SLIT3: variants seen among roughly 807,000 people sequenced by gnomAD.
SLIT3 encodes the protein slit guidance ligand 3.
Under a neutral mutation model 184.0 loss-of-function variants are expected in SLIT3, and 68 were observed. That is an observed-to-expected ratio of 0.37 (90% CI 0.30 to 0.45). The LOEUF (loss-of-function observed/expected upper bound fraction) is 0.45, where lower values mean the gene tolerates loss of function less well. SLIT3 is among the 20% of genes least tolerant of loss of function. SLIT3 has a pLI of 1.00. For synonymous variants in SLIT3, 831 were observed against 828.6 expected, an observed-to-expected ratio of 1.00 and a Z score of -0.05; for missense variants, 1,707 against 2,026.0, an observed-to-expected ratio of 0.84 and a Z score of 3.02.
chr5:169,276,803 G>A (rs1194352666), intron 1 of SLIT3, among the ~76,000 whole-genome samples: 1 of 152,218 alleles, frequency 6.6e-6, no homozygotes, highest in African/African-American at 2.4e-5. Context: ...TACACATAAG[G>A]TCTAGGGGCT....
chr5:169,241,343 G>A (rs1488248846), intron 3 of SLIT3, among the ~76,000 whole-genome samples: 1 of 152,148 alleles, frequency 6.6e-6, no homozygotes, highest in African/African-American at 2.4e-5. Context: ...ACATGAGATG[G>A]TATATGTAAA....
intron 4 of SLIT3, among the ~76,000 whole-genome samples, chr5:168,886,565 G>C (rs4395646): frequency 6.6e-6 from 1 of 151,808 alleles, no homozygotes; most frequent in South Asian, 2.1e-4. Flanking sequence ...CCCCTTTCAC[G>C]AGGGAAGCAG....
chr5:169,073,452 T>A (rs947278922), intron 4 of SLIT3, among the ~76,000 whole-genome samples: 1 of 151,992 alleles, frequency 6.6e-6, no homozygotes, highest in Admixed American at 6.6e-5. Context: ...ATTTGGGGAA[T>A]TCTCCATTCT....
At chr5:169,252,314 A>C (rs1249427215) in intron 1 of SLIT3, among the ~76,000 whole-genome samples, 1 of 152,196 alleles carries the variant, frequency 6.6e-6, no homozygotes, top group African/African-American at 2.4e-5. Context: ...ATTTGCATGG[A>C]TTACTCCTGC....
chr5:169,214,206 C>T (rs1359484455), intron 3 of SLIT3, among the ~76,000 whole-genome samples: 2 of 152,166 alleles, frequency 1.3e-5, no homozygotes, highest in Admixed American at 1.3e-4. Context: ...AATAAGTGCT[C>T]AATATCTGGT....
chr5:169,029,422 C>T (rs187968218), intron 4 of SLIT3, among the ~76,000 whole-genome samples: 5 of 152,324 alleles, frequency 3.3e-5, no homozygotes, highest in South Asian at 2.1e-4. Flanking sequence ...GTCCTCTCCT[C>T]GGACCTACTG....
intron 22 of SLIT3, among the ~76,000 whole-genome samples, 163 bp downstream of exon 22, chr5:168,722,770 C>T (rs768191723): frequency 6.6e-6 from 1 of 152,222 alleles, no homozygotes; most frequent in Non-Finnish European, 1.5e-5. Flanking sequence ...GGGCTTCCTA[C>T]TTTATCTTCC....
chr5:169,227,259 C>T (rs1013294005), intron 3 of SLIT3, among the ~76,000 whole-genome samples: 8 of 152,260 alleles, frequency 5.3e-5, no homozygotes, highest in South Asian at 2.1e-4. Flanking sequence ...TACTAAATTA[C>T]GCCACTTAAA....
intron 4 of SLIT3, among the ~76,000 whole-genome samples, chr5:169,075,688 G>T (rs979414157): frequency 3.3e-5 from 5 of 152,282 alleles, no homozygotes; most frequent in African/African-American, 9.6e-5. Flanking sequence ...TAGAACAATG[G>T]AGAAAAGAAA....
intron 4 of SLIT3, among the ~76,000 whole-genome samples, chr5:169,008,486 C>T (rs1035118844): frequency 2.6e-5 from 4 of 152,176 alleles, no homozygotes; most frequent in African/African-American, 9.7e-5. Context: ...CCACAGACCT[C>T]TTGGGCAGGT....
chr5:169,199,804 G>C (rs1401418478), intron 3 of SLIT3, among the ~76,000 whole-genome samples: 2 of 152,190 alleles, frequency 1.3e-5, no homozygotes, highest in Admixed American at 1.3e-4. Flanking sequence ...ATTATAAACT[G>C]TCTTATCATC....
intron 6 of SLIT3, among the ~76,000 whole-genome samples, chr5:168,833,207 T>C (rs751456979): frequency 5.9e-5 from 9 of 152,210 alleles, no homozygotes; most frequent in South Asian, 2.1e-4. Flanking sequence ...GCCAAACATA[T>C]AGGCCACTTT....
In SLIT3 at chr5:168,817,682, A is replaced by G. The variant is rs183323114; in HGVS notation, c.630-219T>C. Among the ~76,000 whole-genome samples, 833 of 152,338 alleles carry G rather than the reference A, an allele frequency of 5.5e-3. 3 individuals are homozygous for G. Among genetic ancestry groups the G allele is most frequent in the Non-Finnish European group, 9.6e-3 (651 of 68,032 alleles). ...AAAGGATGCCTCCGGGGTTCTGAGC[A>G]AAGCTCATTTTTTAATAGCAAGTCC... On this transcript the variant is annotated intron_variant, in intron 7 of 35. Transcript: ENST00000519560.
At chr5:168,982,685 C>T (rs928960573) in intron 4 of SLIT3, among the ~76,000 whole-genome samples, 3 of 152,180 alleles carry the variant, frequency 2.0e-5, no homozygotes, top group African/African-American at 7.2e-5. Context: ...GCCTGTGACT[C>T]ATGGGCTTAG....
At chr5:169,273,621 G>GT (rs1295083801) in intron 1 of SLIT3, among the ~76,000 whole-genome samples, 1 of 152,218 alleles carries the variant, frequency 6.6e-6, no homozygotes, top group Non-Finnish European at 1.5e-5. Context: ...TGATTTCAAT[G>GT]TGCAGCTAGG....
chr5:168,728,277 C>CATATATATATATATATATATAT (rs3061738), intron 20 of SLIT3, among the ~76,000 whole-genome samples: 14 of 141,008 alleles, frequency 9.9e-5, no homozygotes, highest in African/African-American at 2.6e-4. Flanking sequence ...TAATCAACAA[C>CATATATATATATATATATATAT]ATATATATAT....
In SLIT3 at chr5:169,188,475, G is replaced by A. The variant is rs151188530; in HGVS notation, c.413+5004C>T. Among the ~76,000 whole-genome samples the A allele has an allele frequency of 1.5e-3, 221 of 152,230 alleles. 1 individual carries two copies. Among genetic ancestry groups the A allele is most frequent in the Middle Eastern group, 6.8e-3 (2 of 294 alleles). On this transcript the variant is annotated intron_variant, in intron 4 of 35. Coordinates refer to ENST00000519560, the MANE Select transcript of SLIT3 (RefSeq NM_003062.4). ...CTCCATCCTGTCCTCTCTAGATGAAGCCCAGAGAGGCCAAGTAACATGCCC... is the reference window on the plus strand; with the variant it reads ...CTCCATCCTGTCCTCTCTAGATGAAACCCAGAGAGGCCAAGTAACATGCCC...
intron 8 of SLIT3, among the ~76,000 whole-genome samples, chr5:168,807,650 G>A (rs1239452238): frequency 6.6e-6 from 1 of 152,108 alleles, no homozygotes; most frequent in African/African-American, 2.4e-5. Flanking sequence ...ACTTAGATGA[G>A]GTCTGCAGAT....
intron 4 of SLIT3, among the ~76,000 whole-genome samples, chr5:169,174,696 C>T (rs757565616): frequency 4.6e-5 from 7 of 152,068 alleles, no homozygotes; most frequent in Non-Finnish European, 1.0e-4. Flanking sequence ...GCCAACTCAT[C>T]TAAGAGTATG....
Sources: allele counts gnomAD v4.1 joint callset (sites outside exome capture counted in the v4.1 genomes callset), GRCh38; gene constraint gnomAD v4.1.1; transcripts MANE v1.5; gene names NCBI Gene and HGNC (gene_info 2026-07-23, HGNC 2026-07-21).